Variants in ARHGAP24 observed in about 807,000 individuals in gnomAD.
ARHGAP24 encodes the protein Rho GTPase activating protein 24.
A neutral mutation model predicts 76.4 loss-of-function variants in ARHGAP24; 50 were observed. That is an observed-to-expected ratio of 0.65 (90% CI 0.52 to 0.83). The LOEUF (loss-of-function observed/expected upper bound fraction) is 0.83. Among genes scored for constraint, ARHGAP24 ranks in the 40% least tolerant of loss-of-function variants. The probability of loss-of-function intolerance (pLI) is 0.00; values close to 1 mark genes in which losing one functional copy is unlikely to be tolerated. For synonymous variants in ARHGAP24, 345 were observed against 323.3 expected, an observed-to-expected ratio of 1.07 and a Z score of -0.72; for missense variants, 930 against 914.2, an observed-to-expected ratio of 1.02 and a Z score of -0.22.
intron 3 of ARHGAP24, among the ~76,000 whole-genome samples, chr4:85,893,710 G>A (rs1384469390): frequency 6.8e-6 from 1 of 147,528 alleles, no homozygotes; most frequent in Non-Finnish European, 1.5e-5. Context: ...CTGGCTTGTA[G>A]GGTTTCTGCC....
At position 85,728,294 on chromosome 4, in the gene ARHGAP24, CAG is replaced by C. The variant is rs575685368; in HGVS notation, c.268+6326_268+6327del. 2.0e-3 allele frequency among the ~76,000 whole-genome samples: 300 copies of C among 148,968 alleles called. 1 individual carries two copies. Among genetic ancestry groups the C allele is most frequent in the African/African-American group, 7.1e-3 (286 of 40,490 alleles). Reference sequence around the variant, plus strand: ...AAATTGCACATACTTTTGAGGACTTCAGAGATTCCCTAAAATGCAATCATTGA... The same window carrying C: ...AAATTGCACATACTTTTGAGGACTTCAGATTCCCTAAAATGCAATCATTGA... On this transcript the variant is annotated intron_variant, in intron 3 of 9. Coordinates refer to ENST00000395184, the MANE Select transcript of ARHGAP24 (RefSeq NM_001025616.3).
Position 85,743,392 on chromosome 4 carries a change from CAAAAAAAAAAAAAAAAAAAAAAAAA to C in ARHGAP24, c.268+21437_268+21461del, listed in dbSNP as rs774717006. Among the ~76,000 whole-genome samples the C allele has an allele frequency of 1.3e-3, 57 of 43,378 alleles. 1 individual carries two copies. In the East Asian group the frequency reaches 0.051, roughly 39 times the overall value. The allele number at this position is 43,378 out of a possible 152,430, so 28.5% of individuals were successfully genotyped here. ...AAGACGCCAAGGCGGGATCCCATCT[CAAAAAAAAAAAAAAAAAAAAAAAAA>C]AAAAAAAAAAAAAAAAGGCTGGGCA... On this transcript the variant is annotated intron_variant, in intron 3 of 9. Transcript: ENST00000395184.
chr4:86,000,777 G>T lies in ARHGAP24; in HGVS notation c.*55G>T. On this transcript the variant is annotated 3_prime_UTR_variant, in exon 10 of 10. Coordinates refer to ENST00000395184, the MANE Select transcript of ARHGAP24 (RefSeq NM_001025616.3). ...TCTGGCAAGGACTCCAGGGATTCTGGTGGGATATGACTTAGAACCAGGTGG... is the reference window on the plus strand; with the variant it reads ...TCTGGCAAGGACTCCAGGGATTCTGTTGGGATATGACTTAGAACCAGGTGG... 1 of 1,610,994 alleles carries T rather than the reference G, an allele frequency of 6.2e-7. No homozygotes were observed. The highest frequency in any genetic ancestry group is 8.5e-7 in the Non-Finnish European group (1 of 1,178,338).
chr4:85,528,316 C>T (rs534546320), intron 1 of ARHGAP24, among the ~76,000 whole-genome samples: 2 of 152,100 alleles, frequency 1.3e-5, no homozygotes, highest in Admixed American at 1.3e-4. Flanking sequence ...AAAATATTAG[C>T]TATGATTGCT....
intron 2 of ARHGAP24, among the ~76,000 whole-genome samples, chr4:85,660,973 G>A (rs1722360889): frequency 6.6e-6 from 1 of 151,988 alleles, no homozygotes; most frequent in Non-Finnish European, 1.5e-5. Context: ...ATAGCCACAG[G>A]CAAACACTTT....
chr4:85,858,274 C>T (rs144911843), intron 3 of ARHGAP24, among the ~76,000 whole-genome samples: 143 of 152,276 alleles, frequency 9.4e-4, no homozygotes, highest in African/African-American at 3.3e-3. Context: ...AGCTGATGCT[C>T]AGAGCCCCTG....
chr4:85,991,552 C>T (rs570100745), intron 8 of ARHGAP24: 1 of 152,176 alleles, frequency 6.6e-6, no homozygotes, highest in Non-Finnish European at 1.5e-5. Flanking sequence ...CATGTAGCAA[C>T]ATAAATGTCA....
chr4:85,780,951 A>G (rs1727528789), intron 3 of ARHGAP24, among the ~76,000 whole-genome samples: 1 of 152,226 alleles, frequency 6.6e-6, no homozygotes, highest in Non-Finnish European at 1.5e-5. Flanking sequence ...GACTAAACAA[A>G]TCCCAAGAGG....
At chr4:85,650,478 G>A (rs1458921956) in intron 2 of ARHGAP24, among the ~76,000 whole-genome samples, 1 of 149,270 alleles carries the variant, frequency 6.7e-6, no homozygotes, top group African/African-American at 2.6e-5. Flanking sequence ...TCTTTAATCT[G>A]TAAAATGAGG....
At chr4:85,775,316 T>A (rs756812400) in intron 3 of ARHGAP24, among the ~76,000 whole-genome samples, 2 of 152,058 alleles carry the variant, frequency 1.3e-5, no homozygotes, top group Non-Finnish European at 2.9e-5. Context: ...GTTAGGAAAT[T>A]CGGTAGGTGT....
chr4:85,930,373 A>C (rs545301872), intron 4 of ARHGAP24: 1 of 987,068 alleles, frequency 1.0e-6, no homozygotes, highest in Admixed American at 6.1e-5. Context: ...AAAGAAATCT[A>C]TCATGCACTG....
chr4:85,745,740 T>G (rs4693125), intron 3 of ARHGAP24, among the ~76,000 whole-genome samples: 146,617 of 152,278 alleles, frequency 0.96, 70,841 homozygotes, highest in East Asian at 1. Context: ...GGGCTACAGA[T>G]TACCAAACTA....
rs1729638745 is a variant in ARHGAP24 at position 85,824,861 on chromosome 4, G to C, written c.269-98787G>C. On this transcript the variant is annotated intron_variant, in intron 3 of 9. Transcript: ENST00000395184. ...TCCTAGCACTTTGGGAAGCCAAGAT[G>C]GTTGGATCACCTCAGGTCAGGAGTT... Among the ~76,000 whole-genome samples, 3 of 152,266 alleles carry C rather than the reference G, an allele frequency of 2.0e-5. No individual in the cohort carries two copies. The South Asian group carries it at 6.2e-4, about 32-fold the overall frequency.
At chr4:85,985,085 G>C (rs1203711531) in intron 8 of ARHGAP24, among the ~76,000 whole-genome samples, 1 of 152,182 alleles carries the variant, frequency 6.6e-6, no homozygotes, top group Non-Finnish European at 1.5e-5. Context: ...GCCTCCCTGA[G>C]TGCTGGGATT....
chr4:85,577,077 T>A (rs1356681109), intron 2 of ARHGAP24, among the ~76,000 whole-genome samples: 1 of 151,604 alleles, frequency 6.6e-6, no homozygotes, highest in Non-Finnish European at 1.5e-5. Context: ...TAAATTAATA[T>A]GAGAAAAATA....
chr4:85,736,621 G>T (rs890868071), intron 3 of ARHGAP24, among the ~76,000 whole-genome samples: 1 of 152,158 alleles, frequency 6.6e-6, no homozygotes, highest in Non-Finnish European at 1.5e-5. Flanking sequence ...AGTAGAGGTG[G>T]AATTCTGCTG....
intron 3 of ARHGAP24, among the ~76,000 whole-genome samples, chr4:85,810,596 A>G (rs1486789837): frequency 6.6e-6 from 1 of 152,182 alleles, no homozygotes; most frequent in Non-Finnish European, 1.5e-5. Flanking sequence ...CAATGGCATT[A>G]TACAGAAAAT....
At chr4:85,900,741 C>A (rs552603637) in intron 3 of ARHGAP24, among the ~76,000 whole-genome samples, 1 of 152,086 alleles carries the variant, frequency 6.6e-6, no homozygotes, top group South Asian at 2.1e-4. Context: ...GACCGTTCTT[C>A]GCACCACAAA....
intron 1 of ARHGAP24, among the ~76,000 whole-genome samples, chr4:85,517,137 C>A (rs1450350718): frequency 6.6e-6 from 1 of 152,152 alleles, no homozygotes; most frequent in Non-Finnish European, 1.5e-5. Context: ...TCCGCCTATA[C>A]CTGTGTCAGT....
Sources: allele counts gnomAD v4.1 joint callset (sites outside exome capture counted in the v4.1 genomes callset), GRCh38; gene constraint gnomAD v4.1.1; transcripts MANE v1.5; gene names NCBI Gene and HGNC (gene_info 2026-07-23, HGNC 2026-07-21).